DRD3: variants seen among roughly 807,000 people sequenced by gnomAD.
DRD3 encodes the protein D(3) dopamine receptor.
A neutral mutation model predicts 36.3 loss-of-function variants in DRD3; 19 were observed. That is an observed-to-expected ratio of 0.52 (90% CI 0.36 to 0.77). DRD3 has a LOEUF of 0.77. Ranked by LOEUF, DRD3 falls within the 30% of genes least tolerant of loss-of-function variation. The pLI, the probability that DRD3 is intolerant of heterozygous loss-of-function variation, is 0.00. For missense variants in DRD3, 465 were observed against 505.3 expected (o/e 0.92, Z 0.77); for synonymous variants, 195 against 203.7 (o/e 0.96, Z 0.36).
chr3:114,173,364 T>C (rs2077865376), intron 1 of DRD3, among the ~76,000 whole-genome samples: 1 of 152,220 alleles, frequency 6.6e-6, no homozygotes, highest in Non-Finnish European at 1.5e-5. Context: ...AATGATGTTG[T>C]AACCTCCCAC....
intron 1 of DRD3, among the ~76,000 whole-genome samples, chr3:114,186,449 C>T (rs2077976273): frequency 6.6e-6 from 1 of 152,174 alleles, no homozygotes; most frequent in Non-Finnish European, 1.5e-5. Flanking sequence ...GAAGTTACTA[C>T]AGCCAGACAG....
At chr3:114,190,440 A>G (rs1271360087) in intron 1 of DRD3, among the ~76,000 whole-genome samples, 3 of 9,972 alleles carry the variant, frequency 3.0e-4, no homozygotes, top group South Asian at 2.8e-3. Context: ...ATATATATAT[A>G]TATATATATA....
intron 4 of DRD3, among the ~76,000 whole-genome samples, chr3:114,141,167 G>GATT (rs1432892099): frequency 6.6e-6 from 1 of 152,206 alleles, no homozygotes; most frequent in African/African-American, 2.4e-5. Context: ...AAGTAGCTGG[G>GATT]ATTACAGGCA....
chr3:114,198,803 T>G (rs1295837172), intron 1 of DRD3, among the ~76,000 whole-genome samples: 1 of 152,142 alleles, frequency 6.6e-6, no homozygotes, highest in African/African-American at 2.4e-5. Flanking sequence ...AGTGGCATGA[T>G]CATACCTCAT....
intron 3 of DRD3, among the ~76,000 whole-genome samples, chr3:114,157,897 G>A (rs1017928033): frequency 7.2e-5 from 11 of 152,246 alleles, no homozygotes; most frequent in South Asian, 6.2e-4. Context: ...GAGGTTGGGA[G>A]TTCGAGACCA....
chr3:114,167,042 A>G (rs1248914512), intron 2 of DRD3, among the ~76,000 whole-genome samples: 2 of 152,142 alleles, frequency 1.3e-5, no homozygotes, highest in African/African-American at 4.8e-5. Context: ...AATAATCGAT[A>G]TCATTACAAA....
rs571196760 is a variant in DRD3, at chr3:114,159,484, C to A, written c.383+271G>T. 1.6e-4 allele frequency among the ~76,000 whole-genome samples: 24 copies of A among 151,994 alleles called. No homozygotes were observed. In the South Asian group the frequency reaches 4.0e-3, roughly 25 times the overall value. The stretch of plus-strand genomic sequence containing the variant: ...CTTCCTATTAGGAAGAAAAAAAAAA[C>A]CCCAAAGGATGGTGGAAAAGCAAAA... On this transcript the variant is annotated intron_variant, in intron 3 of 6. Coordinates refer to ENST00000383673, the MANE Select transcript of DRD3 (RefSeq NM_000796.6).
chr3:114,149,748 A>AT (rs1213578987), intron 3 of DRD3, among the ~76,000 whole-genome samples: 4 of 152,314 alleles, frequency 2.6e-5, no homozygotes, highest in Admixed American at 2.6e-4. Flanking sequence ...GGAGAGGGTC[A>AT]TTTTTTAGGA....
At chr3:114,143,288 G>A (rs1312151983) in intron 4 of DRD3, among the ~76,000 whole-genome samples, 1 of 152,226 alleles carries the variant, frequency 6.6e-6, no homozygotes, top group African/African-American at 2.4e-5. Context: ...CGGGGGAGGG[G>A]AGGTTACTCC....
chr3:114,145,453 CAT>C (rs2077562010), intron 4 of DRD3, among the ~76,000 whole-genome samples: 1 of 152,144 alleles, frequency 6.6e-6, no homozygotes, highest in Admixed American at 6.6e-5. Flanking sequence ...GCAAAGATAA[CAT>C]CACCATATTT....
intron 2 of DRD3, among the ~76,000 whole-genome samples, chr3:114,165,676 G>T (rs763051727): frequency 6.6e-6 from 1 of 151,866 alleles, no homozygotes; most frequent in African/African-American, 2.4e-5. Flanking sequence ...AAGAGGCAAA[G>T]ATAGAAGTAC....
intron 2 of DRD3, among the ~76,000 whole-genome samples, chr3:114,167,172 G>A (rs778767093): frequency 1.3e-5 from 2 of 152,106 alleles, no homozygotes; most frequent in Non-Finnish European, 2.9e-5. Context: ...TATCTTGCTT[G>A]ACTACCTTTC....
chr3:114,183,269 C>T (rs1288517040), upstream of DRD3, among the ~76,000 whole-genome samples: 4 of 152,168 alleles, frequency 2.6e-5, no homozygotes, highest in African/African-American at 9.6e-5. Flanking sequence ...CTAATTTCCT[C>T]CCATTATGAT....
At chr3:114,198,212 T>A (rs1406346639) in intron 1 of DRD3, among the ~76,000 whole-genome samples, 2 of 151,526 alleles carry the variant, frequency 1.3e-5, no homozygotes, top group Admixed American at 6.7e-5. Flanking sequence ...AATGATATTG[T>A]TTCATAATTT....
intron 5 of DRD3, among the ~76,000 whole-genome samples, chr3:114,136,446 T>C (rs1480573598): frequency 1.3e-5 from 2 of 151,960 alleles, no homozygotes; most frequent in Non-Finnish European, 2.9e-5. Context: ...AGCCCTCCAC[T>C]CCCAGATGGC....
In DRD3 at chr3:114,159,876, C is replaced by G. The variant is rs200553872; in HGVS notation, c.271-9G>C. 1 of 1,612,896 alleles carries G rather than the reference C, an allele frequency of 6.2e-7. No homozygotes were observed. The highest frequency in any genetic ancestry group is 2.2e-5 in the East Asian group (1 of 44,876). ...CAGACTCCACCTGTCACCTGGGTATCAGAGACAAGGATGTTAGTGTTTACC... is the reference window on the plus strand; with the variant it reads ...CAGACTCCACCTGTCACCTGGGTATGAGAGACAAGGATGTTAGTGTTTACC... On this transcript the variant is annotated splice_polypyrimidine_tract_variant and intron_variant, in intron 2 of 6. Coordinates refer to ENST00000383673, the MANE Select transcript of DRD3 (RefSeq NM_000796.6).
intron 1 of DRD3, among the ~76,000 whole-genome samples, chr3:114,185,596 C>T (rs1466883487): frequency 6.6e-6 from 1 of 151,734 alleles, no homozygotes; most frequent in Non-Finnish European, 1.5e-5. Flanking sequence ...GCCACTGAGA[C>T]TCTTTCAGGA....
At chr3:114,181,982 C>T (rs1253482983), upstream of DRD3, among the ~76,000 whole-genome samples, 1 of 152,156 alleles carries the variant, frequency 6.6e-6, no homozygotes, top group Non-Finnish European at 1.5e-5. Flanking sequence ...AATAAAGGAA[C>T]ATTTTGTTTC....
intron 3 of DRD3, among the ~76,000 whole-genome samples, chr3:114,156,201 A>T (rs936126964): frequency 6.6e-6 from 1 of 152,198 alleles, no homozygotes; most frequent in Admixed American, 6.5e-5. Flanking sequence ...ACTCCAAGTT[A>T]GTAATCTTAA....
Sources: gnomAD v4.1 joint callset for allele counts (sites outside exome capture counted in the v4.1 genomes callset) on GRCh38, gnomAD v4.1.1 for gene constraint, MANE v1.5 for transcripts, NCBI Gene and HGNC (gene_info 2026-07-23, HGNC 2026-07-21) for gene names.